Variants in STRIP1 observed in about 807,000 individuals in gnomAD.
STRIP1 encodes the protein striatin interacting protein 1.
A neutral mutation model predicts 106.2 loss-of-function variants in STRIP1; 63 were observed. The ratio of observed to expected loss-of-function variants is 0.59; its 90% confidence interval spans 0.48 to 0.73. The LOEUF is 0.73. Among genes scored for constraint, STRIP1 ranks in the 30% least tolerant of loss-of-function variants. STRIP1 has a pLI of 0.00. For synonymous variants in STRIP1, 390 were observed against 413.0 expected (o/e 0.94, Z 0.67); for missense variants, 857 against 1,074.8 (o/e 0.80, Z 2.83).
At chr1:110,046,578 A>C in intron 12 of STRIP1, 102 bp from the exon 13 acceptor site, 1 of 990,852 alleles carries the variant, frequency 1.0e-6, no homozygotes, top group Non-Finnish European at 1.6e-6. Flanking sequence ...CTCTTTCAGA[A>C]GACTGTGTTT....
chr1:110,045,294 C>A, intron 12 of STRIP1: 3 of 549,542 alleles, frequency 5.5e-6, no homozygotes, highest in Non-Finnish European at 9.8e-6. Flanking sequence ...TTGTTTGGGA[C>A]TGACTGGGAA....
chr1:110,042,052 A>G (rs181469491), intron 8 of STRIP1, among the ~76,000 whole-genome samples, 191 bp downstream of exon 8: 164 of 152,348 alleles, frequency 1.1e-3, no homozygotes, highest in Admixed American at 3.3e-3. Flanking sequence ...CAACGAGGAC[A>G]TAGGCCTTGA....
At chr1:110,043,589 G>A in intron 9 of STRIP1, 50 bp from the exon 10 acceptor site, 1 of 1,517,998 alleles carries the variant, frequency 6.6e-7, no homozygotes, top group South Asian at 1.2e-5. Context: ...GCACTTCCCT[G>A]GTCTGCGTCC....
upstream of STRIP1, among the ~76,000 whole-genome samples, chr1:110,032,026 G>A (rs1049956401): frequency 1.3e-5 from 2 of 151,704 alleles, no homozygotes; most frequent in African/African-American, 4.8e-5. Flanking sequence ...GAGCCACGGT[G>A]CCTGGCCCCT....
rs1487570228 is a variant in STRIP1 at position 110,041,554 on chromosome 1, G to A, written c.669G>A (p.Met223Ile). Residue 223 changes from methionine to isoleucine, a missense_variant, in exon 7 of 21, where the codon ATG becomes ATA. Around this residue, in one of 2 missense-constraint regions of STRIP1, gnomAD observed 750 missense variants for 989.8 expected, o/e 0.76. Transcript: ENST00000369795. ...STDLRVLLNIMYLIVETVHQE... is the reference protein window; with the variant it reads ...STDLRVLLNIIYLIVETVHQE... ...TCCTCAGGGTCCTGCTCAACATCATGTACCTGATAGTGGAGACCGTTCATC... is the reference window on the plus strand; with the variant it reads ...TCCTCAGGGTCCTGCTCAACATCATATACCTGATAGTGGAGACCGTTCATC... 2 of 1,613,846 alleles carry A rather than the reference G, an allele frequency of 1.2e-6. No individual in the cohort carries two copies. The highest frequency in any genetic ancestry group is 2.2e-5 in the East Asian group (1 of 44,896).
chr1:110,038,333 C>T (rs1172340090), intron 2 of STRIP1: 4 of 227,274 alleles, frequency 1.8e-5, no homozygotes, highest in South Asian at 1.5e-4. Context: ...TCATGTAATG[C>T]GAGGTCGGTG....
Position 110,054,061 on chromosome 1 carries a change from T to TGA in STRIP1, c.*151_*152dup. ...TTCCGCAGTCTGTCCTGGGCTTGGG[T>TGA]GAGCCCAGCTTGACCTCCCCTTGGT... On this transcript the variant is annotated 3_prime_UTR_variant, in exon 21 of 21. Transcript: ENST00000369795. The TGA allele has an allele frequency of 2.1e-6, 2 of 959,696 alleles. No individual in the cohort carries two copies. Among genetic ancestry groups the TGA allele is most frequent in the Non-Finnish European group, 3.1e-6 (2 of 648,918 alleles). The allele number at this position is 959,696 out of a possible 1,614,324, so 59.4% of individuals were successfully genotyped here.
chr1:110,051,895 T>C lies in STRIP1; in HGVS notation c.2266+8T>C. On this transcript the variant is annotated splice_region_variant and intron_variant, in intron 20 of 20. Coordinates refer to ENST00000369795, the MANE Select transcript of STRIP1 (RefSeq NM_033088.4). ...ACTGGGCATACGGCAATGGTGAGAC[T>C]CTGCACTCAGCCAGATTTGGGTGGG... is the stretch of plus-strand genomic sequence containing the variant. 1 of 1,611,476 alleles carries C rather than the reference T, an allele frequency of 6.2e-7. No individual in the cohort carries two copies. Among genetic ancestry groups the C allele is most frequent in the Non-Finnish European group, 8.5e-7 (1 of 1,179,512 alleles).
intron 20 of STRIP1, among the ~76,000 whole-genome samples, chr1:110,052,533 A>T (rs989495031): frequency 6.6e-6 from 1 of 152,082 alleles, no homozygotes; most frequent in Non-Finnish European, 1.5e-5. Context: ...GCAGTGGCAC[A>T]GTCTCAGCTC....
In STRIP1 at chr1:110,043,738, A is replaced by G; in HGVS notation, c.1168A>G (p.Ser390Gly). The change falls in exon 10 of 21, where the codon AGT becomes GGT. Residue 390 changes from serine (S) to glycine (G), a missense_variant. Transcript: ENST00000369795. The part of the protein sequence containing the change: ...EEEEENDDDN[S>G]LEGETFPLER... ...GGAAGAGGAGAATGATGATGACAAC[A>G]GTCTGGAGGGGGAGACGTTTCCCCT... 1 of 1,614,198 alleles carries G rather than the reference A, an allele frequency of 6.2e-7. No homozygotes were observed. Among genetic ancestry groups the G allele is most frequent in the Non-Finnish European group, 8.5e-7 (1 of 1,180,002 alleles).
chr1:110,052,745 C>T (rs1374683693), intron 20 of STRIP1, among the ~76,000 whole-genome samples: 1 of 152,150 alleles, frequency 6.6e-6, no homozygotes, highest in African/African-American at 2.4e-5. Flanking sequence ...GCTGGGATTA[C>T]AGGCATGATC....
chr1:110,039,567 G>A (rs1652658167), intron 5 of STRIP1, 52 bp downstream of exon 5: 1 of 1,559,294 alleles, frequency 6.4e-7, no homozygotes, highest in East Asian at 2.3e-5. Context: ...GATGGGAAGG[G>A]GGACAGAGCT....
chr1:110,042,021 C>G (rs1471677818), intron 8 of STRIP1, among the ~76,000 whole-genome samples, 160 bp downstream of exon 8: 1 of 152,146 alleles, frequency 6.6e-6, no homozygotes, highest in Non-Finnish European at 1.5e-5. Flanking sequence ...AAAAGAAGGG[C>G]CACTATTGTC....
chr1:110,048,033 G>T (rs1280270111), intron 15 of STRIP1, 164 bp downstream of exon 15: 11 of 631,464 alleles, frequency 1.7e-5, no homozygotes, highest in Middle Eastern at 4.3e-4. Context: ...AGTTTCACTG[G>T]TTGGGGAGAT....
chr1:110,044,985 G>T, intron 11 of STRIP1, 30 bp from the exon 12 acceptor site: 1 of 1,613,922 alleles, frequency 6.2e-7, no homozygotes, highest in Non-Finnish European at 8.5e-7. Flanking sequence ...TGATGTCGAG[G>T]CTCAACACAG....
Position 110,053,946 on chromosome 1 carries a change from A to G in STRIP1, c.*34A>G, listed in dbSNP as rs1489469002. The G allele has an allele frequency of 1.9e-6, 3 of 1,611,238 alleles. No homozygotes were observed. Among genetic ancestry groups the G allele is most frequent in the African/African-American group, 1.3e-5 (1 of 74,846 alleles). ...GTTAGGGGACTGAAATGGAGAGAAA[A>G]GATGATCTGAAGGTACCTGTGGGAC... On this transcript the variant is annotated 3_prime_UTR_variant, in exon 21 of 21. Transcript: ENST00000369795.
chr1:110,037,136 T>C (rs559817468), intron 1 of STRIP1, among the ~76,000 whole-genome samples: 41 of 152,116 alleles, frequency 2.7e-4, no homozygotes, highest in Admixed American at 5.2e-4. Context: ...CGCCTGGCCA[T>C]TGTGGGTATG....
rs1279886497 is a variant in STRIP1, at chr1:110,037,885, C to T, written c.181-6C>T. ...TTTTCCTAAAGCTCTCTCCTCTTGTCAGCAGGGCTATTCGGAGTCACCAGA... is the reference window on the plus strand; with the variant it reads ...TTTTCCTAAAGCTCTCTCCTCTTGTTAGCAGGGCTATTCGGAGTCACCAGA... On this transcript the variant is annotated splice_polypyrimidine_tract_variant and splice_region_variant and intron_variant, in intron 1 of 20. Transcript: ENST00000369795. 1 of 1,602,140 alleles carries T rather than the reference C, an allele frequency of 6.2e-7. No homozygotes were observed. The highest frequency in any genetic ancestry group is 8.5e-7 in the Non-Finnish European group (1 of 1,169,688).
intron 16 of STRIP1, 97 bp downstream of exon 16, chr1:110,049,335 C>T: frequency 6.3e-7 from 1 of 1,584,232 alleles, no homozygotes; most frequent in Non-Finnish European, 8.6e-7. Flanking sequence ...CTTTGACCCA[C>T]TTGAACTCTG....
Sources: allele counts gnomAD v4.1 joint callset (sites outside exome capture counted in the v4.1 genomes callset), GRCh38; gene constraint gnomAD v4.1.1; regional missense constraint gnomAD v4.1.1; transcripts MANE v1.5; gene names NCBI Gene and HGNC (gene_info 2026-07-23, HGNC 2026-07-21).